NOL4L: variants seen among roughly 807,000 people sequenced by gnomAD.
The protein encoded by NOL4L is nucleolar protein 4-like.
A neutral mutation model predicts 64.5 loss-of-function variants in NOL4L; 7 were observed. The observed-to-expected ratio is 0.11, with a 90% confidence interval of 0.06 to 0.20. The LOEUF is 0.20. Among genes scored for constraint, NOL4L ranks in the 10% least tolerant of loss-of-function variants. The pLI, the probability that NOL4L is intolerant of heterozygous loss-of-function variation, is 1.00. For synonymous variants in NOL4L, 413 were observed against 401.0 expected (o/e 1.03, Z -0.36); for missense variants, 680 against 967.1 (o/e 0.70, Z 3.94).
At chr20:32,545,795 A>T (rs1600862782) in intron 1 of NOL4L, among the ~76,000 whole-genome samples, 1 of 152,280 alleles carries the variant, frequency 6.6e-6, no homozygotes, top group East Asian at 1.9e-4. Context: ...ATGTGCCGTT[A>T]TTCTAGCGTG....
At chr20:32,485,073 A>AAAAAAAAAAAAAAAAAAAAC (rs2016010866) in intron 4 of NOL4L, among the ~76,000 whole-genome samples, 1 of 147,478 alleles carries the variant, frequency 6.8e-6, no homozygotes, top group Admixed American at 6.8e-5. Flanking sequence ...AAAAAAAAAA[A>AAAAAAAAAAAAAAAAAAAAC]AAAAAAAAAA....
intron 4 of NOL4L, among the ~76,000 whole-genome samples, chr20:32,479,977 C>A (rs562531082): frequency 6.6e-6 from 1 of 152,328 alleles, no homozygotes; most frequent in Admixed American, 6.5e-5. Flanking sequence ...TCCTCTTCTG[C>A]ATGGTAACTA....
chr20:32,584,265 C>A (rs1033183252), intron 1 of NOL4L, among the ~76,000 whole-genome samples: 189 of 151,222 alleles, frequency 1.2e-3, no homozygotes, highest in African/African-American at 4.4e-3. Flanking sequence ...CAGCCGCCTG[C>A]TGGCGGGGGG....
At chr20:32,506,404 G>T (rs1307473227) in intron 4 of NOL4L, among the ~76,000 whole-genome samples, 2 of 152,024 alleles carry the variant, frequency 1.3e-5, no homozygotes, top group Non-Finnish European at 2.9e-5. Context: ...GCTCACACTT[G>T]TAATCCCAGC....
chr20:32,470,231 C>T (rs550785675), intron 5 of NOL4L, among the ~76,000 whole-genome samples: 5 of 152,382 alleles, frequency 3.3e-5, no homozygotes, highest in Admixed American at 2.0e-4. Context: ...TCACATTTTC[C>T]GCTCAGGAAG....
At position 32,527,831 on chromosome 20, in the gene NOL4L, G is replaced by A. The variant is rs2018190776; in HGVS notation, c.404C>T (p.Ser135Leu). 6.4e-7 allele frequency: 1 copy of A among 1,550,580 alleles called. No homozygotes were observed. The highest frequency in any genetic ancestry group is 8.7e-7 in the Non-Finnish European group (1 of 1,146,950). ...VVEDFFDIIYSMHVESSAEPG... is the reference protein window; with the variant it reads ...VVEDFFDIIYLMHVESSAEPG... ...CTCCGCTGAGCTCTCCACATGCATCGAGTAGATGATGTCAAAGAAATCTTC... is the reference window on the plus strand; with the variant it reads ...CTCCGCTGAGCTCTCCACATGCATCAAGTAGATGATGTCAAAGAAATCTTC... The change falls in exon 2 of 11, where the codon TCG becomes TTG. Residue 135 changes from serine to leucine, a missense_variant. This residue lies in a region of NOL4L where 181 missense variants were observed against 335.2 expected (regional missense o/e 0.54). Transcript: ENST00000621426.
At position 32,443,196 on chromosome 20, in the gene NOL4L, C is replaced by G. The variant is rs1046000246; in HGVS notation, c.*4400G>C. On this transcript the variant is annotated 3_prime_UTR_variant, in exon 11 of 11. Transcript: ENST00000621426. Reference sequence around the variant, plus strand: ...ACCATGGAGATAACAGCTCGATTAACAGCTCATTGGTCTTTTGTTAAGTGA... The same window carrying G: ...ACCATGGAGATAACAGCTCGATTAAGAGCTCATTGGTCTTTTGTTAAGTGA... 6.6e-6 allele frequency: 1 copy of G among 152,202 alleles called. No homozygotes were observed. 9.4% of individuals were successfully genotyped at this position (152,202 alleles called of 1,614,324 possible).
At chr20:32,534,585 G>C (rs929001585) in intron 1 of NOL4L, among the ~76,000 whole-genome samples, 1 of 152,212 alleles carries the variant, frequency 6.6e-6, no homozygotes, top group East Asian at 1.9e-4. Flanking sequence ...GGGTGCAATG[G>C]CTCACGCCTC....
At chr20:32,537,214 C>T (rs1244439877) in intron 1 of NOL4L, 1 of 660,816 alleles carries the variant, frequency 1.5e-6, no homozygotes, top group Admixed American at 6.3e-5. Context: ...AGTGCCTCTG[C>T]TGCTCCCCGC....
intron 1 of NOL4L, among the ~76,000 whole-genome samples, chr20:32,582,637 A>C (rs1980552148): frequency 6.9e-6 from 1 of 145,164 alleles, no homozygotes; most frequent in Admixed American, 6.8e-5. Flanking sequence ...CCTGCCTCAG[A>C]CTAAGAAGGT....
chr20:32,522,134 G>A (rs1424059468), intron 2 of NOL4L, among the ~76,000 whole-genome samples: 1 of 152,248 alleles, frequency 6.6e-6, no homozygotes, highest in Admixed American at 6.5e-5. Flanking sequence ...GGCTTGGGGT[G>A]TCCCAGGCTG....
intron 1 of NOL4L, among the ~76,000 whole-genome samples, chr20:32,558,328 C>T (rs1042063146): frequency 3.3e-5 from 5 of 152,094 alleles, no homozygotes; most frequent in African/African-American, 1.2e-4. Flanking sequence ...TGCTGAAATC[C>T]GCATCGTAAT....
intron 1 of NOL4L, among the ~76,000 whole-genome samples, chr20:32,563,550 C>T (rs1011594694): frequency 6.6e-6 from 1 of 152,058 alleles, no homozygotes; most frequent in Non-Finnish European, 1.5e-5. Context: ...CAAGGGCCAT[C>T]ACAGGGCTTG....
At chr20:32,475,368 G>A in intron 4 of NOL4L, 1 of 985,040 alleles carries the variant, frequency 1.0e-6, no homozygotes, top group Non-Finnish European at 1.2e-6. Context: ...AGAAGGAAGG[G>A]GGCGGGGCAG....
chr20:32,581,745 C>A (rs1980486120), intron 1 of NOL4L, among the ~76,000 whole-genome samples: 1 of 152,196 alleles, frequency 6.6e-6, no homozygotes, highest in Admixed American at 6.5e-5. Flanking sequence ...CCCCACCCAC[C>A]CGAGCACCCC....
intron 4 of NOL4L, 192 bp downstream of exon 4, chr20:32,511,155 A>T (rs2017383883): frequency 1.9e-6 from 1 of 533,512 alleles, no homozygotes; most frequent in South Asian, 2.5e-5. Flanking sequence ...CTGTCTGCAC[A>T]GGAGACCCTC....
intron 5 of NOL4L, among the ~76,000 whole-genome samples, chr20:32,466,423 G>C (rs987106395): frequency 6.6e-6 from 1 of 152,204 alleles, no homozygotes; most frequent in Non-Finnish European, 1.5e-5. Flanking sequence ...ACCCCTTGGC[G>C]GGCCGGGGCC....
chr20:32,560,766 T>G (rs964734053), intron 1 of NOL4L, among the ~76,000 whole-genome samples: 4 of 152,224 alleles, frequency 2.6e-5, no homozygotes, highest in Non-Finnish European at 5.9e-5. Flanking sequence ...CACAGTTCTA[T>G]CCTGGACGGC....
chr20:32,551,254 T>C (rs1192152314), intron 1 of NOL4L, among the ~76,000 whole-genome samples: 1 of 151,858 alleles, frequency 6.6e-6, no homozygotes, highest in Non-Finnish European at 1.5e-5. Flanking sequence ...TGGGTGCCTA[T>C]AGTCCCAGCT....
Sources: allele counts gnomAD v4.1 joint callset (sites outside exome capture counted in the v4.1 genomes callset), GRCh38; gene constraint gnomAD v4.1.1; regional missense constraint gnomAD v4.1.1; transcripts MANE v1.5; gene names NCBI Gene and HGNC (gene_info 2026-07-23, HGNC 2026-07-21).